The following CSMD1 variants were observed in gnomAD, a reference collection of about 807,000 sequenced individuals.
CSMD1 encodes the protein CUB and Sushi multiple domains 1, also known as CUB and sushi domain-containing protein 1.
In CSMD1, 213 loss-of-function variants were observed where a neutral mutation model predicts 417.5. The ratio of observed to expected loss-of-function variants is 0.51; its 90% CI spans 0.46 to 0.57. The LOEUF (loss-of-function observed/expected upper bound fraction) is 0.57. CSMD1 is among the 20% of genes least tolerant of loss of function. The pLI, the probability that CSMD1 is intolerant of heterozygous loss-of-function variation, is 0.00. For missense variants in CSMD1, 6,923 were observed against 4,529.7 expected, an observed-to-expected ratio of 1.53 and a Z score of -15.17; for synonymous variants, 2,862 against 1,736.8, an observed-to-expected ratio of 1.65 and a Z score of -16.11.
At chr8:3,410,331 T>C (rs1185687994) in intron 12 of CSMD1, among the ~76,000 whole-genome samples, 1 of 152,198 alleles carries the variant, frequency 6.6e-6, no homozygotes, top group Non-Finnish European at 1.5e-5. Flanking sequence ...AGTGAATAAA[T>C]GAGACAAAAT....
chr8:3,361,966 AG>A (rs1185997899), intron 20 of CSMD1, among the ~76,000 whole-genome samples: 1 of 152,158 alleles, frequency 6.6e-6, no homozygotes, highest in Admixed American at 6.6e-5. Context: ...TATATTTGCA[AG>A]GTGTGCATGT....
intron 7 of CSMD1, among the ~76,000 whole-genome samples, chr8:3,644,839 G>C (rs879828614): frequency 6.6e-6 from 1 of 151,896 alleles, no homozygotes; most frequent in Non-Finnish European, 1.5e-5. Flanking sequence ...CCCCGATGTG[G>C]TAACCTTCGT....
chr8:4,563,558 A>C (rs927817534), intron 2 of CSMD1, among the ~76,000 whole-genome samples: 1 of 152,142 alleles, frequency 6.6e-6, no homozygotes, highest in African/African-American at 2.4e-5. Context: ...CCTCACTCCA[A>C]CTGTAGTGCT....
chr8:3,107,613 T>C (rs1349236964), intron 45 of CSMD1, 105 bp downstream of exon 45: 10 of 695,300 alleles, frequency 1.4e-5, no homozygotes, highest in Non-Finnish European at 2.2e-5. Flanking sequence ...TTTTTGTTTC[T>C]CTGACAAATT....
chr8:3,084,994 G>C lies in CSMD1; in HGVS notation c.7474+2103C>G, dbSNP rs575754029. Among the ~76,000 whole-genome samples the C allele has an allele frequency of 2.0e-3, 310 of 151,744 alleles. 1 individual carries two copies. The highest frequency in any genetic ancestry group is 7.2e-3 in the African/African-American group (298 of 41,416). On this transcript the variant is annotated intron_variant, in intron 49 of 69. Transcript: ENST00000635120. ...TTACACAAATTGTAAATATCTAAAA[G>C]GTGACTAAAAGAAGTCTTGCACAGG...
At chr8:3,175,507 G>GCCTTCCTT (rs1554451376) in intron 37 of CSMD1, among the ~76,000 whole-genome samples, 4 of 125,830 alleles carry the variant, frequency 3.2e-5, no homozygotes, top group African/African-American at 9.0e-5. Flanking sequence ...CTGCCTGCCT[G>GCCTTCCTT]CCTTTTTTCC....
At chr8:2,984,862 C>T (rs1805739507) in intron 54 of CSMD1, among the ~76,000 whole-genome samples, 1 of 152,172 alleles carries the variant, frequency 6.6e-6, no homozygotes, top group Non-Finnish European at 1.5e-5. Context: ...TTAACTCACA[C>T]ATATTTATGC....
intron 2 of CSMD1, among the ~76,000 whole-genome samples, chr8:4,611,007 T>G (rs942375353): frequency 6.6e-6 from 1 of 152,200 alleles, no homozygotes; most frequent in African/African-American, 2.4e-5. Flanking sequence ...CAGCCCTTTT[T>G]CCCTTAGAAA....
intron 8 of CSMD1, among the ~76,000 whole-genome samples, chr8:3,607,496 G>T (rs746589625): frequency 6.6e-6 from 1 of 152,166 alleles, no homozygotes; most frequent in Non-Finnish European, 1.5e-5. Context: ...AGCCTTTTCT[G>T]TGACTGGCAG....
At chr8:4,756,007 T>C (rs1241880399) in intron 1 of CSMD1, among the ~76,000 whole-genome samples, 2 of 152,206 alleles carry the variant, frequency 1.3e-5, no homozygotes, top group Non-Finnish European at 2.9e-5. Context: ...GTGTGAGTAT[T>C]AAGTCATTTG....
intron 18 of CSMD1, among the ~76,000 whole-genome samples, chr8:3,379,666 A>G (rs1445782655): frequency 6.6e-6 from 1 of 152,228 alleles, no homozygotes; most frequent in East Asian, 1.9e-4. Context: ...CGTATTTAAT[A>G]AATGGTGTTG....
chr8:4,201,415 G>A (rs1466942719), intron 3 of CSMD1, among the ~76,000 whole-genome samples: 1 of 151,868 alleles, frequency 6.6e-6, no homozygotes, highest in Admixed American at 6.5e-5. Context: ...CTGGGCGCCT[G>A]TAGTCCCAGC....
At chr8:4,466,188 T>C (rs1445451148) in intron 2 of CSMD1, among the ~76,000 whole-genome samples, 3 of 152,238 alleles carry the variant, frequency 2.0e-5, no homozygotes, top group African/African-American at 7.2e-5. Context: ...CTGTTTAAGA[T>C]TGGGCATGAT....
rs566260724 is a variant in CSMD1, at chr8:4,299,926, G to A, written c.415+120027C>T. ...TTACAGGTATAAGCCACTGCGCCCG[G>A]CCCAGACACTATTTTTCAAGTTATA... On this transcript the variant is annotated intron_variant, in intron 3 of 69. Coordinates refer to ENST00000635120, the MANE Select transcript of CSMD1 (RefSeq NM_033225.6). Among the ~76,000 whole-genome samples the A allele has an allele frequency of 3.9e-5, 6 of 152,178 alleles. No homozygotes were observed. The East Asian group carries it at 9.7e-4, about 24-fold the overall frequency.
chr8:4,485,839 C>T lies in CSMD1; in HGVS notation c.303-65774G>A, dbSNP rs538097869. Among the ~76,000 whole-genome samples, 19 of 151,904 alleles carry T rather than the reference C, an allele frequency of 1.3e-4. No individual in the cohort carries two copies. The South Asian group carries it at 2.3e-3, about 18-fold the overall frequency. On this transcript the variant is annotated intron_variant, in intron 2 of 69. Coordinates refer to ENST00000635120, the MANE Select transcript of CSMD1 (RefSeq NM_033225.6). The stretch of plus-strand genomic sequence containing the variant: ...ATTCCAAAATGTGGCAACATATAAA[C>T]GCAAATGTCAAAAACCCCATTATGG...
chr8:3,016,517 C>A (rs373289124), intron 52 of CSMD1, among the ~76,000 whole-genome samples: 1 of 152,208 alleles, frequency 6.6e-6, no homozygotes, highest in East Asian at 1.9e-4. Flanking sequence ...AATCTCAACC[C>A]TTTCCGTTAC....
chr8:4,989,297 C>T (rs200928895), intron 1 of CSMD1, among the ~76,000 whole-genome samples: 1 of 152,152 alleles, frequency 6.6e-6, no homozygotes, highest in East Asian at 1.9e-4. Flanking sequence ...AAAAAATCTG[C>T]CCCTGGTTGC....
intron 3 of CSMD1, among the ~76,000 whole-genome samples, chr8:4,257,264 G>A (rs73660713): frequency 6.6e-6 from 1 of 151,956 alleles, no homozygotes; most frequent in Admixed American, 6.5e-5. Flanking sequence ...TATTATACCA[G>A]TCTTTCTGTA....
At chr8:3,474,495 T>C (rs960612520) in intron 11 of CSMD1, among the ~76,000 whole-genome samples, 6 of 152,152 alleles carry the variant, frequency 3.9e-5, no homozygotes, top group Non-Finnish European at 8.8e-5. Flanking sequence ...TAAACAGTAA[T>C]CTTTCTTGTC....
Sources: allele counts gnomAD v4.1 joint callset (sites outside exome capture counted in the v4.1 genomes callset), GRCh38; gene constraint gnomAD v4.1.1; transcripts MANE v1.5; gene names NCBI Gene and HGNC (gene_info 2026-07-23, HGNC 2026-07-21).